The following RAD54L2 variants were observed in gnomAD, a reference collection of about 807,000 sequenced individuals.
RAD54L2 encodes the protein helicase ARIP4.
In RAD54L2, 27 loss-of-function variants were observed where a neutral mutation model predicts 138.4. The ratio of observed to expected loss-of-function variants is 0.20; its 90% confidence interval spans 0.14 to 0.27. The LOEUF (loss-of-function observed/expected upper bound fraction) is 0.27, where lower values mean the gene tolerates loss of function less well. Ranked by LOEUF, RAD54L2 falls within the 10% of genes least tolerant of loss-of-function variation. RAD54L2 has a pLI of 1.00. For missense variants in RAD54L2, 1,396 were observed against 1,890.2 expected, an observed-to-expected ratio of 0.74 and a Z score of 4.85; for synonymous variants, 644 against 723.2, an observed-to-expected ratio of 0.89 and a Z score of 1.76.
Position 51,662,333 on chromosome 3 carries a change from A to G in RAD54L2, c.3410-93A>G. ...TCAAACTATTAGAATTTTGGGGACTACAGGACAGGATTTTTTTTAATGGAG... is the reference window on the plus strand; with the variant it reads ...TCAAACTATTAGAATTTTGGGGACTGCAGGACAGGATTTTTTTTAATGGAG... On this transcript the variant is annotated intron_variant, in intron 22 of 22. Coordinates refer to ENST00000684192, the MANE Select transcript of RAD54L2 (RefSeq NM_015106.4). This position sits in a 1 kb window ranked among gnomAD's most constrained non-coding sequence, Gnocchi z 4.6. 1 of 1,251,500 alleles carries G rather than the reference A, an allele frequency of 8.0e-7. No individual in the cohort carries two copies. Among genetic ancestry groups the G allele is most frequent in the East Asian group, 2.6e-5 (1 of 38,710 alleles). The allele number at this position is 1,251,500 out of a possible 1,614,324, so 77.5% of individuals were successfully genotyped here.
chr3:51,575,307 C>T (rs1451815497), intron 2 of RAD54L2, among the ~76,000 whole-genome samples: 4 of 152,106 alleles, frequency 2.6e-5, no homozygotes, highest in Non-Finnish European at 5.9e-5. Flanking sequence ...GTTCTTTTTG[C>T]TTAGGATTGT....
In RAD54L2 at chr3:51,645,843, C is replaced by A. The variant is rs1200690559; in HGVS notation, c.2829+80C>A. On this transcript the variant is annotated intron_variant, in intron 18 of 22. Transcript: ENST00000684192. The surrounding 1 kb of genome is among the most constrained non-coding windows in gnomAD (Gnocchi z 6.1). ...GGCTTGTCTTGTAAGCTTTTTTCTTCATCTGAGGTGATGTTTCATGCAGGT... is the reference window on the plus strand; with the variant it reads ...GGCTTGTCTTGTAAGCTTTTTTCTTAATCTGAGGTGATGTTTCATGCAGGT... 36 of 1,393,702 alleles carry A rather than the reference C, an allele frequency of 2.6e-5. No individual in the cohort carries two copies. The highest frequency in any genetic ancestry group is 3.4e-5 in the Non-Finnish European group (35 of 1,038,908). 86.3% of individuals were successfully genotyped at this position (1,393,702 alleles called of 1,614,324 possible).
At position 51,653,621 on chromosome 3, in the gene RAD54L2, G is replaced by A. The variant is rs576525677; in HGVS notation, c.3027-2350G>A. Among the ~76,000 whole-genome samples, 5 of 152,322 alleles carry A rather than the reference G, an allele frequency of 3.3e-5. No individual in the cohort carries two copies. The South Asian group carries it at 1.0e-3, about 32-fold the overall frequency. ...CAGCCATAAAAAAGGATGAGTTCAT[G>A]TCCTTTGTAGGGACATGGATGAAGC... On this transcript the variant is annotated intron_variant, in intron 19 of 22. Coordinates refer to ENST00000684192, the MANE Select transcript of RAD54L2 (RefSeq NM_015106.4).
chr3:51,565,075 A>G (rs1431689873), intron 2 of RAD54L2, among the ~76,000 whole-genome samples: 5 of 152,202 alleles, frequency 3.3e-5, no homozygotes, highest in African/African-American at 1.2e-4. Context: ...TACTCAGTCT[A>G]ATTGCTAGTC....
At chr3:51,618,333 G>T (rs1224299087) in intron 3 of RAD54L2, among the ~76,000 whole-genome samples, 2 of 151,830 alleles carry the variant, frequency 1.3e-5, no homozygotes, top group Non-Finnish European at 2.9e-5. Flanking sequence ...GAGGAGCAGA[G>T]GTTTTAAATT....
chr3:51,617,805 G>A (rs1577428846), intron 3 of RAD54L2, among the ~76,000 whole-genome samples: 2 of 152,142 alleles, frequency 1.3e-5, no homozygotes, highest in South Asian at 2.1e-4. Flanking sequence ...CTTGAACCTG[G>A]GAGTTTCAGG....
At chr3:51,569,274 C>T (rs1344247981) in intron 2 of RAD54L2, among the ~76,000 whole-genome samples, 1 of 152,152 alleles carries the variant, frequency 6.6e-6, no homozygotes, top group Non-Finnish European at 1.5e-5. Flanking sequence ...AACCACATTC[C>T]TCTCAAGGCT....
rs145210273 is a variant in RAD54L2 at position 51,595,123 on chromosome 3, C to T, written c.139+4564C>T. Among the ~76,000 whole-genome samples, 1,059 of 152,164 alleles carry T rather than the reference C, an allele frequency of 7.0e-3. 15 individuals carry two copies. The highest frequency in any genetic ancestry group is 0.033 in the South Asian group (159 of 4,826). On this transcript the variant is annotated intron_variant, in intron 3 of 22. Transcript: ENST00000684192. ...TCAATTAATCCACACGCCTCAGCCT[C>T]CCAAAGTGCTGGGCTTACAGACATG...
intron 3 of RAD54L2, among the ~76,000 whole-genome samples, chr3:51,620,405 G>A (rs1157973817): frequency 7.3e-6 from 1 of 136,456 alleles, no homozygotes; most frequent in African/African-American, 2.7e-5. Flanking sequence ...GGTCCTACTG[G>A]TCTTTTTTTT....
intron 22 of RAD54L2, among the ~76,000 whole-genome samples, chr3:51,660,993 A>G (rs1470012536): frequency 7.0e-6 from 1 of 143,444 alleles, no homozygotes; most frequent in African/African-American, 2.6e-5. Flanking sequence ...TCGTTCTGTC[A>G]CCCAGGCTGG....
At chr3:51,539,281 G>C (rs1427703804) in intron 1 of RAD54L2, among the ~76,000 whole-genome samples, 3 of 152,162 alleles carry the variant, frequency 2.0e-5, no homozygotes, top group Non-Finnish European at 2.9e-5. Context: ...AAAGTATTTG[G>C]AATTTTAGGG....
chr3:51,541,722 TG>T (rs1294085359), intron 2 of RAD54L2, 72 bp downstream of exon 2: 1 of 152,256 alleles, frequency 6.6e-6, no homozygotes, highest in African/African-American at 2.4e-5. Context: ...TAAATCTGAA[TG>T]TTTTTTGCTT....
chr3:51,633,458 A>G, intron 7 of RAD54L2, 119 bp from the exon 8 acceptor site: 1 of 975,540 alleles, frequency 1.0e-6, no homozygotes, highest in East Asian at 2.4e-5. Flanking sequence ...GGCCATCCAC[A>G]CCTGCTATCT....
At chr3:51,615,371 G>A (rs1700422185) in intron 3 of RAD54L2, among the ~76,000 whole-genome samples, 3 of 152,214 alleles carry the variant, frequency 2.0e-5, no homozygotes, top group Admixed American at 2.0e-4. Flanking sequence ...ATAACATGAA[G>A]AGTTAGGGAA....
intron 2 of RAD54L2, among the ~76,000 whole-genome samples, chr3:51,580,788 G>A (rs1245414332): frequency 6.6e-6 from 1 of 152,182 alleles, no homozygotes; most frequent in Non-Finnish European, 1.5e-5. Flanking sequence ...GTGAGAAGCA[G>A]AGCCAAAAGA....
At chr3:51,603,143 A>C (rs149999137) in intron 3 of RAD54L2, among the ~76,000 whole-genome samples, 13 of 7,266 alleles carry the variant, frequency 1.8e-3, no homozygotes, top group African/African-American at 8.6e-3. Flanking sequence ...TTACTACTAC[A>C]AAAAAAAAAA....
At position 51,572,343 on chromosome 3, in the gene RAD54L2, C is replaced by T. The variant is rs6782676; in HGVS notation, c.-54-18024C>T. Among the ~76,000 whole-genome samples the T allele has an allele frequency of 8.7e-3, 1,328 of 151,818 alleles. 18 individuals are homozygous for T. Among genetic ancestry groups the T allele is most frequent in the African/African-American group, 0.03 (1,238 of 41,392 alleles). On this transcript the variant is annotated intron_variant, in intron 2 of 22. Transcript: ENST00000684192. ...TGGTGGGCACCTGTAATCCCAGCTA[C>T]TCAGGAGACTAAGGCAGGAAAATCG...
chr3:51,579,976 A>G (rs983773489), intron 2 of RAD54L2, among the ~76,000 whole-genome samples: 2 of 152,248 alleles, frequency 1.3e-5, no homozygotes, highest in Non-Finnish European at 2.9e-5. Flanking sequence ...GGTGTTTCCA[A>G]CACTAACAAT....
chr3:51,586,892 C>T (rs1220389861), intron 2 of RAD54L2, among the ~76,000 whole-genome samples: 1 of 151,694 alleles, frequency 6.6e-6, no homozygotes, highest in African/African-American at 2.4e-5. Context: ...CTCAAGGAGT[C>T]TAGGATGAAA....
Sources: gnomAD v4.1 joint callset for allele counts (sites outside exome capture counted in the v4.1 genomes callset) on GRCh38, gnomAD v4.1.1 for gene constraint, Gnocchi (gnomAD v3.1) non-coding constraint, MANE v1.5 for transcripts, NCBI Gene and HGNC (gene_info 2026-07-23, HGNC 2026-07-21) for gene names.